AOPEP: variants seen among roughly 807,000 people sequenced by gnomAD.
The protein encoded by AOPEP is aminopeptidase O.
Under a neutral mutation model 98.1 loss-of-function variants are expected in AOPEP, and 77 were observed. The observed-to-expected ratio is 0.78, with a 90% CI of 0.65 to 0.95. The LOEUF (loss-of-function observed/expected upper bound fraction) is 0.95, where lower values mean the gene tolerates loss of function less well. Among genes scored for constraint, AOPEP ranks in the 40% least tolerant of loss-of-function variants. The pLI, the probability that AOPEP is intolerant of heterozygous loss-of-function variation, is 0.00. For missense variants in AOPEP, 1,024 were observed against 1,024.7 expected (o/e 1.00, Z 0.01); for synonymous variants, 346 against 365.3 (o/e 0.95, Z 0.60).
At chr9:95,073,555 T>C (rs1171279506) in intron 14 of AOPEP, among the ~76,000 whole-genome samples, 1 of 151,658 alleles carries the variant, frequency 6.6e-6, no homozygotes, top group East Asian at 1.9e-4. Context: ...GCGCAGTGGC[T>C]CACACCTGTA....
intron 5 of AOPEP, among the ~76,000 whole-genome samples, chr9:94,835,828 C>T (rs2041528043): frequency 6.6e-6 from 1 of 152,166 alleles, no homozygotes; most frequent in South Asian, 2.1e-4. Flanking sequence ...AGTGTCTCTT[C>T]CAGACCATGG....
chr9:95,088,126 T>C (rs138137233), downstream of AOPEP, among the ~76,000 whole-genome samples: 102 of 152,332 alleles, frequency 6.7e-4, 2 homozygotes, highest in East Asian at 0.014. Flanking sequence ...TTGACTGTTA[T>C]GTTTGAATAA....
At position 94,759,790 on chromosome 9, in the gene AOPEP, A is replaced by C. The variant is rs749008300; in HGVS notation, c.7A>C (p.Ile3Leu). The change falls in exon 2 of 17, where the codon ATA (isoleucine) becomes CTA (leucine). Residue 3 changes from isoleucine (I) to leucine (L), a missense_variant. Transcript: ENST00000375315. ...TCAAACAATAAACCACATCATGGAC[A>C]TACAGCTGGACCCTGCCAGAGATGA... MD[I>L]QLDPARDDLP... 6.2e-7 allele frequency: 1 copy of C among 1,613,092 alleles called. No individual in the cohort carries two copies. Among genetic ancestry groups the C allele is most frequent in the Non-Finnish European group, 8.5e-7 (1 of 1,179,550 alleles).
At chr9:94,974,534 G>A (rs1194372627) in intron 10 of AOPEP, among the ~76,000 whole-genome samples, 1 of 152,226 alleles carries the variant, frequency 6.6e-6, no homozygotes, top group African/African-American at 2.4e-5. Flanking sequence ...TTTTGCCTCT[G>A]GATGCAGCTC....
the AOPEP span, chr9:95,117,465 G>T: frequency 1.6e-6 from 2 of 1,239,310 alleles, no homozygotes; most frequent in Non-Finnish European, 2.3e-6. Context: ...AAAACTCTGA[G>T]TCCTCTGCCC....
At chr9:94,728,721 C>T (rs1000797033) in intron 1 of AOPEP, among the ~76,000 whole-genome samples, 2 of 152,090 alleles carry the variant, frequency 1.3e-5, no homozygotes, top group African/African-American at 4.8e-5. Context: ...TCCCAGAGGC[C>T]ACCAAAAGAC....
At chr9:94,802,025 A>T (rs1395772740) in intron 5 of AOPEP, among the ~76,000 whole-genome samples, 3 of 152,200 alleles carry the variant, frequency 2.0e-5, no homozygotes, top group Admixed American at 2.0e-4. Context: ...TTAATCCTTG[A>T]GGAGGTCTGA....
chr9:94,917,453 C>T (rs12554454), intron 5 of AOPEP, among the ~76,000 whole-genome samples: 3,959 of 152,272 alleles, frequency 0.026, 77 homozygotes, highest in Admixed American at 0.063. Flanking sequence ...TCCCCAGTGT[C>T]GTCTGTGCTG....
intron 5 of AOPEP, among the ~76,000 whole-genome samples, chr9:94,874,498 T>G (rs1264170222): frequency 6.6e-6 from 1 of 152,232 alleles, no homozygotes; most frequent in Non-Finnish European, 1.5e-5. Context: ...CGTGACACAC[T>G]TAGCAGATTG....
intron 4 of AOPEP, among the ~76,000 whole-genome samples, chr9:94,797,442 A>G (rs1215725773): frequency 6.6e-6 from 1 of 152,030 alleles, no homozygotes; most frequent in Admixed American, 6.6e-5. Context: ...AAAAAAAAAA[A>G]AAAGTACAGA....
At chr9:94,971,273 C>T (rs1221191373) in intron 10 of AOPEP, among the ~76,000 whole-genome samples, 5 of 152,204 alleles carry the variant, frequency 3.3e-5, no homozygotes, top group African/African-American at 7.2e-5. Context: ...ATACCTCTCC[C>T]GGTTAGGATC....
intron 11 of AOPEP, among the ~76,000 whole-genome samples, chr9:94,996,391 T>TGTGTGA (rs375605056): frequency 1.9e-3 from 277 of 144,634 alleles, no homozygotes; most frequent in East Asian, 0.014. Flanking sequence ...TGTGTGTGTG[T>TGTGTGA]GAGAGAGAGA....
At chr9:94,742,392 A>G (rs575881892) in intron 1 of AOPEP, among the ~76,000 whole-genome samples, 1 of 152,176 alleles carries the variant, frequency 6.6e-6, no homozygotes, top group South Asian at 2.1e-4. Flanking sequence ...GCAAGGAAAT[A>G]AGTGCAGAAA....
At chr9:94,783,170 C>G (rs1041870862) in intron 3 of AOPEP, among the ~76,000 whole-genome samples, 1 of 152,192 alleles carries the variant, frequency 6.6e-6, no homozygotes, top group African/African-American at 2.4e-5. Flanking sequence ...GGGGCATATT[C>G]CTTTAGGTAT....
chr9:94,931,066 G>A (rs192688549), intron 7 of AOPEP, among the ~76,000 whole-genome samples: 1 of 152,266 alleles, frequency 6.6e-6, no homozygotes, highest in African/African-American at 2.4e-5. Flanking sequence ...CTTCAGTGGG[G>A]TAGGGGCATC....
intron 5 of AOPEP, among the ~76,000 whole-genome samples, chr9:94,866,560 T>A (rs563143731): frequency 1.3e-5 from 2 of 152,308 alleles, no homozygotes; most frequent in African/African-American, 4.8e-5. Context: ...TGAAGGTAGC[T>A]TCAAGCATCA....
chr9:95,065,635 G>A (rs1016166846), intron 14 of AOPEP, among the ~76,000 whole-genome samples: 1 of 152,258 alleles, frequency 6.6e-6, no homozygotes, highest in Admixed American at 6.5e-5. Context: ...ACATGAAAAA[G>A]AACACCATTG....
At position 94,774,096 on chromosome 9, in the gene AOPEP, T is replaced by G. The variant is rs897569115; in HGVS notation, c.964+928T>G. On this transcript the variant is annotated intron_variant, in intron 3 of 16. Transcript: ENST00000375315. ...TTATATTATTTCTTTATTTAAAATA[T>G]GGCATCTCCTTTGAGACCATCCTGG... is the stretch of plus-strand genomic sequence containing the variant. Among the ~76,000 whole-genome samples, 3 of 152,150 alleles carry G rather than the reference T, an allele frequency of 2.0e-5. No individual in the cohort carries two copies. The East Asian group carries it at 5.8e-4, about 29-fold the overall frequency.
chr9:94,856,641 TAAAA>T (rs35234682), intron 5 of AOPEP, among the ~76,000 whole-genome samples: 4 of 128,586 alleles, frequency 3.1e-5, no homozygotes, highest in Non-Finnish European at 6.6e-5. Flanking sequence ...AACTCCGTCT[TAAAA>T]AAAAAAAAAA....
Sources: allele counts gnomAD v4.1 joint callset (sites outside exome capture counted in the v4.1 genomes callset), GRCh38; gene constraint gnomAD v4.1.1; transcripts MANE v1.5; gene names NCBI Gene and HGNC (gene_info 2026-07-23, HGNC 2026-07-21).